Variants in LILRA5 observed in about 807,000 individuals in gnomAD.
The protein encoded by LILRA5 is leukocyte immunoglobulin like receptor A5.
LILRA5 carries 31 observed loss-of-function variants against 36.3 expected under a neutral mutation model. The ratio of observed to expected loss-of-function variants is 0.85; its 90% confidence interval spans 0.64 to 1.15. The LOEUF (loss-of-function observed/expected upper bound fraction) is 1.15, where lower values mean the gene tolerates loss of function less well. Ranked by LOEUF, LILRA5 falls within the 50% of genes most tolerant of loss-of-function variation. LILRA5 has a pLI of 0.00. For synonymous variants in LILRA5, 144 were observed against 144.8 expected, an observed-to-expected ratio of 0.99 and a Z score of 0.04; for missense variants, 348 against 377.4, an observed-to-expected ratio of 0.92 and a Z score of 0.64.
chr19:54,307,542 G>A lies in LILRA5; in HGVS notation c.771C>T (p.His257=). Residue 257 remains histidine (H), a synonymous_variant, in exon 7 of 7, where the codon CAC becomes CAT. Transcript: ENST00000432233. ...GATTCTCTACTGCGTAATCCTGAAG[G>A]TGTGAGGCTGGGGATGGTGGACAAA... ...QNKSDSGTAS[H]LQDYAVENLI... The A allele has an allele frequency of 1.2e-6, 2 of 1,614,002 alleles. No homozygotes were observed. The highest frequency in any genetic ancestry group is 1.7e-6 in the Non-Finnish European group (2 of 1,179,926).
chr19:54,308,354 AATATATATATATATAT>A (rs60172604), intron 5 of LILRA5: 60 of 18,486 alleles, frequency 3.2e-3, no homozygotes, highest in African/African-American at 0.013. Context: ...TGTATATATA[AATATATATATATATAT>A]ATATATATAT....
At chr19:54,312,642 A>C (rs371794397) in intron 1 of LILRA5, 21 bp from the exon 2 acceptor site, 1 of 1,612,070 alleles carries the variant, frequency 6.2e-7, no homozygotes, top group South Asian at 1.1e-5. Flanking sequence ...AGAGAGACAC[A>C]CAGGGTGTGG....
At position 54,312,345 on chromosome 19, in the gene LILRA5, G is replaced by A. The variant is rs138945045; in HGVS notation, c.114C>T (p.His38=). The change falls in exon 3 of 7, where the codon CAC becomes CAT. Residue 38 remains histidine, a synonymous_variant. Transcript: ENST00000432233. ...TGGGGACAGACTCACCTGCCTGCAC[G>A]TGGGTCCTGGGGCCCAGACTCAGCC... ...CLGLSLGPRT[H]VQAGNLSKAT... 100 of 1,614,098 alleles carry A rather than the reference G, an allele frequency of 6.2e-5. 1 individual carries two copies. The highest frequency in any genetic ancestry group is 7.9e-5 in the Non-Finnish European group (93 of 1,180,044).
intron 5 of LILRA5, 56 bp downstream of exon 5, chr19:54,311,358 T>C: frequency 6.2e-7 from 1 of 1,614,150 alleles, no homozygotes; most frequent in South Asian, 1.1e-5. Context: ...TGTAAAGCTC[T>C]CCACAACCTG....
At position 54,307,497 on chromosome 19, in the gene LILRA5, G is replaced by A. The variant is rs140643912; in HGVS notation, c.816C>T (p.Ala272=). The change falls in exon 7 of 7, where the codon GCC becomes GCT. Residue 272 remains alanine, a synonymous_variant. Transcript: ENST00000432233. The part of the protein sequence containing the change: ...AVENLIRMGM[A]GLILVVLGIL... ...TCCCAAGGACCACCAGGATCAAGCC[G>A]GCCATGCCCATGCGGATGAGATTCT... 194 of 1,613,868 alleles carry A rather than the reference G, an allele frequency of 1.2e-4. No homozygotes were observed. Among genetic ancestry groups the A allele is most frequent in the Non-Finnish European group, 1.5e-4 (178 of 1,179,996 alleles).
At chr19:54,310,510 G>A (rs1485511003) in intron 5 of LILRA5, 1 of 156,846 alleles carries the variant, frequency 6.4e-6, no homozygotes, top group Non-Finnish European at 1.4e-5. Context: ...ATGATTACAT[G>A]TACCTGCAGC....
Position 54,311,873 on chromosome 19 carries a change from C to T in LILRA5, c.400G>A (p.Val134Met), listed in dbSNP as rs767861721. The change falls in exon 4 of 7, where the codon GTG becomes ATG. Residue 134 changes from valine to methionine, a missense_variant. Transcript: ENST00000432233. ...CAGAGTGTCCTCTCACCTGTCACCA[C>T]CAGCTCCAGGGGGTCGCTGGGCTCT... is the stretch of plus-strand genomic sequence containing the variant. The part of the protein sequence containing the change: ...WSEPSDPLEL[V>M]VTGFYNKPTL... 6.2e-6 allele frequency: 10 copies of T among 1,614,184 alleles called. No individual in the cohort carries two copies. The South Asian group carries it at 8.8e-5, about 14-fold the overall frequency.
At chr19:54,308,377 ATATAT>A (rs2080935763) in intron 5 of LILRA5, 1 of 65,500 alleles carries the variant, frequency 1.5e-5, no homozygotes, top group African/African-American at 9.4e-5. Flanking sequence ...ATATATATAT[ATATAT>A]ATATATATAT....
rs749265554 is a variant in LILRA5, at chr19:54,307,487, G to C, written c.826C>G (p.Leu276Val). The C allele has an allele frequency of 6.2e-7, 1 of 1,613,950 alleles. No homozygotes were observed. The highest frequency in any genetic ancestry group is 8.5e-7 in the Non-Finnish European group (1 of 1,180,028). Residue 276 changes from leucine (L) to valine (V), a missense_variant, in exon 7 of 7, where the codon CTG (leucine) becomes GTG (valine). Physicochemically the swap from Leu to Val is conservative, Grantham distance 32. Transcript: ENST00000432233. ...AATATCAGAATCCCAAGGACCACCA[G>C]GATCAAGCCGGCCATGCCCATGCGG... ...LIRMGMAGLI[L>V]VVLGILIFQD...
Position 54,311,592 on chromosome 19 carries a change from G to T in LILRA5, c.534C>A (p.Asp178Glu). 1 of 1,614,118 alleles carries T rather than the reference G, an allele frequency of 6.2e-7. No individual in the cohort carries two copies. Among genetic ancestry groups the T allele is most frequent in the Non-Finnish European group, 8.5e-7 (1 of 1,180,004 alleles). ...FDRFILTEEG[D>E]HKLSWTLDSQ... is the part of the protein sequence containing the mutation. ...AGTCCAAGGTCCAGGAGAGCTTGTG[G>T]TCTCCTTCCTCAGTCAGAATGAACC... The change falls in exon 5 of 7, where the codon GAC (aspartate) becomes GAA (glutamate). Residue 178 changes from aspartate to glutamate, a missense_variant. Coordinates refer to ENST00000432233, the MANE Select transcript of LILRA5 (RefSeq NM_021250.4).
chr19:54,311,102 T>G, intron 5 of LILRA5: 1 of 423,150 alleles, frequency 2.4e-6, no homozygotes, highest in Non-Finnish European at 4.1e-6. Flanking sequence ...ATTACAGGTG[T>G]GTGCCGCCAC....
chr19:54,307,805 G>T, intron 5 of LILRA5, 57 bp from the exon 6 acceptor site: 1 of 1,454,314 alleles, frequency 6.9e-7, no homozygotes, highest in Non-Finnish European at 9.7e-7. Context: ...TCTGAGCCCA[G>T]CCTCTCCCCT....
intron 5 of LILRA5, chr19:54,307,954 T>A (rs1019162394): frequency 1.4e-5 from 8 of 589,056 alleles, no homozygotes; most frequent in African/African-American, 1.3e-4. Context: ...TTCTTTGAAT[T>A]TAAACTTTGC....
In LILRA5 at chr19:54,311,812, C is replaced by A. The variant is rs377163813; in HGVS notation, c.409+52G>T. The A allele has an allele frequency of 5.3e-5, 86 of 1,613,426 alleles. No homozygotes were observed. The African/African-American group carries it at 8.9e-4, about 17-fold the overall frequency. On this transcript the variant is annotated intron_variant, in intron 4 of 6. Transcript: ENST00000432233. ...AAAGGGAGACACCCCTGAGAGCCGA[C>A]CCCCTTCCTGAGGGCAGAGCCTGGA...
chr19:54,312,807 G>T, intron 1 of LILRA5, 186 bp from the exon 2 acceptor site: 1 of 783,724 alleles, frequency 1.3e-6, no homozygotes, highest in Non-Finnish European at 2.1e-6. Context: ...AGACATTTCA[G>T]ACAGAAGTGG....
Position 54,307,862 on chromosome 19 carries a change from A to T in LILRA5, c.713-114T>A. ...CCCTGTGCCTCTCAACATGACTTTT[A>T]TGGAGTTCCTCCATAAACCCTCCCT... On this transcript the variant is annotated intron_variant, in intron 5 of 6. Transcript: ENST00000432233. The T allele has an allele frequency of 1.1e-5, 9 of 840,716 alleles. No homozygotes were observed. The South Asian group carries it at 1.3e-4, about 12-fold the overall frequency. 52.1% of individuals were successfully genotyped at this position (840,716 alleles called of 1,614,324 possible). A position where few individuals can be genotyped will look rare whatever the true frequency, so the allele number is the denominator to read the frequency against.
chr19:54,307,569 A>T lies in LILRA5; in HGVS notation c.764-20T>A. On this transcript the variant is annotated intron_variant, in intron 6 of 6. Transcript: ENST00000432233. ...GTGAGGCTGGGGATGGTGGACAAAGAGGTCACAGAGGTCAGGGCAGATCAG... is the reference window on the plus strand; with the variant it reads ...GTGAGGCTGGGGATGGTGGACAAAGTGGTCACAGAGGTCAGGGCAGATCAG... 6.2e-7 allele frequency: 1 copy of T among 1,613,842 alleles called. No homozygotes were observed. Among genetic ancestry groups the T allele is most frequent in the Middle Eastern group, 1.7e-4 (1 of 6,058 alleles).
In LILRA5 at chr19:54,308,080, G is replaced by A. The variant is rs2080916515; in HGVS notation, c.713-332C>T. The A allele has an allele frequency of 1.1e-5, 3 of 277,118 alleles. No homozygotes were observed. The South Asian group carries it at 1.6e-4, about 15-fold the overall frequency. 17.2% of individuals were successfully genotyped at this position (277,118 alleles called of 1,614,324 possible). On this transcript the variant is annotated intron_variant, in intron 5 of 6. Coordinates refer to ENST00000432233, the MANE Select transcript of LILRA5 (RefSeq NM_021250.4). ...GCTCTCTGTGCAGCCTGGGACACAG[G>A]AGCACATAAGCCAATTCCCCCAGAG... is the stretch of plus-strand genomic sequence containing the variant.
At chr19:54,310,308 C>T (rs953720488) in intron 5 of LILRA5, 1 of 155,486 alleles carries the variant, frequency 6.4e-6, no homozygotes, top group African/African-American at 2.4e-5. Context: ...CTCTACTCAT[C>T]ACTCATCCCG....
Sources: allele counts gnomAD v4.1 joint callset, GRCh38; gene constraint gnomAD v4.1.1; transcripts MANE v1.5; gene names NCBI Gene and HGNC (gene_info 2026-07-23, HGNC 2026-07-21).